The following G2E3 variants were observed in gnomAD, a reference collection of about 807,000 sequenced individuals.
G2E3 encodes the protein G2/M phase-specific E3 ubiquitin-protein ligase.
A neutral mutation model predicts 92.8 loss-of-function variants in G2E3; 35 were observed. The observed-to-expected ratio is 0.38, with a 90% confidence interval of 0.29 to 0.50. The LOEUF (loss-of-function observed/expected upper bound fraction) is 0.50, where lower values mean the gene tolerates loss of function less well. Ranked by LOEUF, G2E3 falls within the 20% of genes least tolerant of loss-of-function variation. The pLI, the probability that G2E3 is intolerant of heterozygous loss-of-function variation, is 0.94. For missense variants in G2E3, 554 were observed against 823.8 expected, an observed-to-expected ratio of 0.67 and a Z score of 4.01; for synonymous variants, 242 against 272.4, an observed-to-expected ratio of 0.89 and a Z score of 1.10.
At chr14:30,593,713 A>G in intron 6 of G2E3, 74 bp downstream of exon 6, 1 of 1,091,998 alleles carries the variant, frequency 9.2e-7, no homozygotes, top group Non-Finnish European at 1.4e-6. Flanking sequence ...TTTAAATTAG[A>G]AAGAATTGAC....
At chr14:30,612,072 A>T in intron 12 of G2E3, 135 bp from the exon 13 acceptor site, 1 of 607,092 alleles carries the variant, frequency 1.6e-6, no homozygotes, top group East Asian at 2.8e-5. Flanking sequence ...ATTCTAGAAG[A>T]ATATTTCTTG....
At chr14:30,589,303 C>A in intron 3 of G2E3, 80 bp from the exon 4 acceptor site, 1 of 767,586 alleles carries the variant, frequency 1.3e-6, no homozygotes, top group South Asian at 1.7e-5. Context: ...TTTTATTAGA[C>A]TGAATAGTAT....
rs201634498 is a variant in G2E3, at chr14:30,611,446, C to G, written c.1501-761C>G. ...AAATTTTCTGTTAATGGATTGTTTC[C>G]TATTTTTAACTTTCTCCATCTGTAC... On this transcript the variant is annotated intron_variant, in intron 12 of 14. Coordinates refer to ENST00000206595, the MANE Select transcript of G2E3 (RefSeq NM_017769.5). The G allele has an allele frequency of 2.0e-5, 3 of 152,138 alleles. No homozygotes were observed. In the East Asian group the frequency reaches 5.8e-4, roughly 29 times the overall value. The allele number at this position is 152,138 out of a possible 1,614,324, so 9.4% of individuals were successfully genotyped here.
At chr14:30,584,242 A>G (rs1880587473) in intron 2 of G2E3, among the ~76,000 whole-genome samples, 1 of 152,244 alleles carries the variant, frequency 6.6e-6, no homozygotes. Flanking sequence ...ATTCCATCAT[A>G]TGGGCATACC....
At chr14:30,559,527 C>G (rs1282658935) in intron 1 of G2E3, 2 of 152,142 alleles carry the variant, frequency 1.3e-5, no homozygotes, top group African/African-American at 2.4e-5. Flanking sequence ...TGCCGGTCCC[C>G]CGCGAGTAAA....
intron 1 of G2E3, among the ~76,000 whole-genome samples, chr14:30,566,950 T>C (rs1239121637): frequency 6.6e-6 from 1 of 152,234 alleles, no homozygotes; most frequent in Non-Finnish European, 1.5e-5. Context: ...ATGTGACCTT[T>C]TCCTTTTTCT....
At chr14:30,575,884 G>T (rs1880054688) in intron 1 of G2E3, among the ~76,000 whole-genome samples, 3 of 152,064 alleles carry the variant, frequency 2.0e-5, no homozygotes, top group South Asian at 2.1e-4. Context: ...CAAACAAATG[G>T]AAAAACATCC....
intron 1 of G2E3, among the ~76,000 whole-genome samples, chr14:30,561,708 C>A (rs2138749397): frequency 6.6e-6 from 1 of 152,260 alleles, no homozygotes; most frequent in East Asian, 1.9e-4. Context: ...TGCCCTTGTC[C>A]TTTTAATTTT....
chr14:30,608,160 T>G, intron 12 of G2E3, 91 bp downstream of exon 12: 1 of 723,802 alleles, frequency 1.4e-6, no homozygotes, highest in Non-Finnish European at 2.2e-6. Flanking sequence ...AATAGTATTA[T>G]CTATGAAGGA....
intron 2 of G2E3, among the ~76,000 whole-genome samples, chr14:30,585,062 C>T (rs1416764046): frequency 1.3e-5 from 2 of 152,090 alleles, no homozygotes; most frequent in Admixed American, 1.3e-4. Flanking sequence ...TCTCGAACTC[C>T]TGACCTTGTG....
At position 30,612,964 on chromosome 14, in the gene G2E3, A is replaced by G. The variant is rs376397383; in HGVS notation, c.1673+585A>G. Among the ~76,000 whole-genome samples, 8 of 152,210 alleles carry G rather than the reference A, an allele frequency of 5.3e-5. 1 individual carries two copies. The East Asian group carries it at 5.8e-4, about 11-fold the overall frequency. ...AAATATTCTTTTTAAAACTCTTACC[A>G]CATGAGCCAACTATTCTGTCTCTGT... On this transcript the variant is annotated intron_variant, in intron 13 of 14. Coordinates refer to ENST00000206595, the MANE Select transcript of G2E3 (RefSeq NM_017769.5).
intron 10 of G2E3, 89 bp from the exon 11 acceptor site, chr14:30,605,416 C>T (rs1339726164): frequency 1.4e-5 from 7 of 495,798 alleles, no homozygotes; most frequent in South Asian, 4.5e-5. Context: ...CTTTTTTTCC[C>T]CTCGTCTTGT....
At chr14:30,607,865 T>C (rs113504189) in intron 11 of G2E3, 23 bp from the exon 12 acceptor site, 1 of 1,332,696 alleles carries the variant, frequency 7.5e-7, no homozygotes, top group Non-Finnish European at 1.1e-6. Flanking sequence ...GTGTATTTGA[T>C]ATATTTTCAT....
chr14:30,610,124 C>A (rs555970422), intron 12 of G2E3, among the ~76,000 whole-genome samples: 1 of 152,288 alleles, frequency 6.6e-6, no homozygotes, highest in Admixed American at 6.5e-5. Flanking sequence ...GCTTTATCTA[C>A]TCCAGTTTCT....
intron 8 of G2E3, among the ~76,000 whole-genome samples, chr14:30,599,505 G>T (rs1444361827): frequency 2.6e-5 from 4 of 152,112 alleles, no homozygotes; most frequent in Non-Finnish European, 5.9e-5. Context: ...GGGATTACAG[G>T]CATGAGCCAC....
chr14:30,601,960 A>G (rs768503100), intron 9 of G2E3, 39 bp from the exon 10 acceptor site: 7 of 1,605,266 alleles, frequency 4.4e-6, no homozygotes, highest in Admixed American at 1.7e-5. Context: ...GTTTTTACCT[A>G]TATCTCTATT....
intron 11 of G2E3, among the ~76,000 whole-genome samples, chr14:30,606,548 A>T (rs1017224684): frequency 1.3e-5 from 2 of 152,094 alleles, no homozygotes; most frequent in African/African-American, 2.4e-5. Context: ...TAAAGAAAAA[A>T]CTTTCCAAAT....
chr14:30,617,400 G>A lies in G2E3; in HGVS notation c.*866G>A, dbSNP rs1179047296. 1 of 147,302 alleles carries A rather than the reference G, an allele frequency of 6.8e-6. No homozygotes were observed. Among genetic ancestry groups the A allele is most frequent in the Non-Finnish European group, 1.6e-5 (1 of 64,330 alleles). The allele number at this position is 147,302 out of a possible 1,614,324, so 9.1% of individuals were successfully genotyped here. On this transcript the variant is annotated 3_prime_UTR_variant, in exon 15 of 15. Coordinates refer to ENST00000206595, the MANE Select transcript of G2E3 (RefSeq NM_017769.5). ...GCCTTGGCTTTAATCATGGGAAATT[G>A]TTGTTGTTGTTGTTGTTGTTTGTAT...
intron 1 of G2E3, among the ~76,000 whole-genome samples, chr14:30,579,976 C>G (rs1880337156): frequency 6.6e-6 from 1 of 152,060 alleles, no homozygotes. Flanking sequence ...TTTCTTTGAT[C>G]TTTTAGAGAA....
Sources: gnomAD v4.1 joint callset for allele counts (sites outside exome capture counted in the v4.1 genomes callset) on GRCh38, gnomAD v4.1.1 for gene constraint, MANE v1.5 for transcripts, NCBI Gene and HGNC (gene_info 2026-07-23, HGNC 2026-07-21) for gene names.